THSD7B: variants seen among roughly 807,000 people sequenced by gnomAD.
THSD7B encodes the protein thrombospondin type-1 domain-containing protein 7B.
In THSD7B, 138 loss-of-function variants were observed where a neutral mutation model predicts 213.6. The observed-to-expected ratio is 0.65, with a 90% CI of 0.56 to 0.74. The LOEUF (loss-of-function observed/expected upper bound fraction) is 0.74, where lower values mean the gene tolerates loss of function less well. THSD7B is among the 30% of genes least tolerant of loss of function. THSD7B has a pLI of 0.00. For missense variants in THSD7B, 1,931 were observed against 1,991.5 expected, an observed-to-expected ratio of 0.97 and a Z score of 0.58; for synonymous variants, 742 against 687.0, an observed-to-expected ratio of 1.08 and a Z score of -1.25.
chr2:137,424,794 G>A (rs777200463), intron 14 of THSD7B, among the ~76,000 whole-genome samples: 4 of 151,958 alleles, frequency 2.6e-5, no homozygotes, highest in Non-Finnish European at 2.9e-5. Flanking sequence ...AAAATAGGCC[G>A]GGCACAGTGG....
chr2:136,945,886 C>T (rs908500262), intron 2 of THSD7B, among the ~76,000 whole-genome samples: 5 of 151,658 alleles, frequency 3.3e-5, no homozygotes, highest in Non-Finnish European at 7.4e-5. Flanking sequence ...CTTTTTAGTT[C>T]CTTGTGATGG....
chr2:137,211,177 T>C (rs1474110748), intron 7 of THSD7B, among the ~76,000 whole-genome samples: 4 of 151,950 alleles, frequency 2.6e-5, no homozygotes, highest in Non-Finnish European at 4.4e-5. Flanking sequence ...ATGAGATTTG[T>C]ATAAACAAAT....
chr2:137,506,727 C>T (rs1178911282), intron 15 of THSD7B, among the ~76,000 whole-genome samples: 2 of 152,202 alleles, frequency 1.3e-5, no homozygotes, highest in African/African-American at 4.8e-5. Flanking sequence ...TTAGGATGAC[C>T]TCCTGATGAA....
At chr2:136,933,133 T>TTCCTTCCTTCCA (rs2105050585) in intron 2 of THSD7B, among the ~76,000 whole-genome samples, 1 of 57,564 alleles carries the variant, frequency 1.7e-5, no homozygotes, top group East Asian at 2.3e-4. Context: ...CCTTCCTTCC[T>TTCCTTCCTTCCA]TCCTTCCTTC....
At chr2:137,426,319 A>G (rs1277656419) in intron 14 of THSD7B, among the ~76,000 whole-genome samples, 1 of 150,290 alleles carries the variant, frequency 6.7e-6, no homozygotes, top group Non-Finnish European at 1.5e-5. Flanking sequence ...ACAAAAATAG[A>G]AAAAAAAAAT....
At chr2:137,404,023 C>A (rs893813485) in intron 12 of THSD7B, among the ~76,000 whole-genome samples, 6 of 151,854 alleles carry the variant, frequency 4.0e-5, no homozygotes, top group Non-Finnish European at 7.4e-5. Context: ...CTATAATTAA[C>A]CAGAGTGAAA....
intron 1 of THSD7B, among the ~76,000 whole-genome samples, chr2:136,806,643 G>A (rs1043787614): frequency 6.6e-6 from 1 of 152,168 alleles, no homozygotes; most frequent in Non-Finnish European, 1.5e-5. Flanking sequence ...TTCCCCTGTT[G>A]TAACATCTTA....
chr2:137,455,395 G>T (rs1447418509), intron 15 of THSD7B, among the ~76,000 whole-genome samples: 1 of 152,072 alleles, frequency 6.6e-6, no homozygotes, highest in Non-Finnish European at 1.5e-5. Flanking sequence ...CAATTTTCCT[G>T]GAACATCTTG....
chr2:137,324,989 A>G (rs774603160), intron 12 of THSD7B, among the ~76,000 whole-genome samples: 1 of 152,292 alleles, frequency 6.6e-6, no homozygotes, highest in Non-Finnish European at 1.5e-5. Context: ...CTGGTTGTTC[A>G]GTTTCCATGA....
At chr2:137,137,717 G>A (rs1162958955) in intron 5 of THSD7B, among the ~76,000 whole-genome samples, 2 of 152,046 alleles carry the variant, frequency 1.3e-5, no homozygotes, top group Non-Finnish European at 2.9e-5. Flanking sequence ...TATTCCTATG[G>A]TTAAGTGACA....
chr2:137,522,279 A>G (rs1370269991), intron 15 of THSD7B, among the ~76,000 whole-genome samples: 1 of 152,178 alleles, frequency 6.6e-6, no homozygotes, highest in Admixed American at 6.5e-5. Context: ...TAGAAATGGC[A>G]TCAAGCTGTA....
chr2:137,100,625 G>A (rs733205), intron 4 of THSD7B, among the ~76,000 whole-genome samples: 49,516 of 151,866 alleles, frequency 0.33, 10,264 homozygotes, highest in African/African-American at 0.59. Flanking sequence ...TGCCTGGCTC[G>A]TAGTAAATGC....
chr2:136,897,414 C>T (rs923309913), intron 2 of THSD7B, among the ~76,000 whole-genome samples: 1 of 151,314 alleles, frequency 6.6e-6, no homozygotes, highest in Admixed American at 6.6e-5. Context: ...GTGAGTGTTA[C>T]AGCTCTTAAA....
intron 2 of THSD7B, among the ~76,000 whole-genome samples, chr2:136,903,954 GTGTGTGTGTGTGTGTGTGTTTGTT>G (rs1684107336): frequency 3.5e-5 from 3 of 84,916 alleles, no homozygotes; most frequent in African/African-American, 8.6e-5. Flanking sequence ...GTGTGTGTGT[GTGTGTGTGTGTGTGTGTGTTTGTT>G]TGTTTCTGAG....
intron 20 of THSD7B, among the ~76,000 whole-genome samples, chr2:137,635,706 A>G (rs771283900): frequency 6.6e-6 from 1 of 152,028 alleles, no homozygotes; most frequent in Non-Finnish European, 1.5e-5. Flanking sequence ...CATATTTAAA[A>G]TATTCCGCAA....
At chr2:137,136,411 A>G (rs543690183) in intron 5 of THSD7B, among the ~76,000 whole-genome samples, 1 of 152,284 alleles carries the variant, frequency 6.6e-6, no homozygotes, top group Non-Finnish European at 1.5e-5. Context: ...AGAACAACAG[A>G]ATGGTTTGGC....
At chr2:137,536,990 T>C (rs1332612829) in intron 15 of THSD7B, among the ~76,000 whole-genome samples, 1 of 151,794 alleles carries the variant, frequency 6.6e-6, no homozygotes, top group African/African-American at 2.4e-5. Flanking sequence ...TTCTAGCAAC[T>C]CTTCAGCTAT....
intron 16 of THSD7B, among the ~76,000 whole-genome samples, chr2:137,564,000 C>T (rs964643775): frequency 1.3e-5 from 2 of 152,072 alleles, no homozygotes; most frequent in African/African-American, 4.8e-5. Flanking sequence ...GAAAGAAGAA[C>T]GATGTCCTTA....
At chr2:137,466,708 T>C (rs1371731290) in intron 15 of THSD7B, among the ~76,000 whole-genome samples, 2 of 152,068 alleles carry the variant, frequency 1.3e-5, no homozygotes, top group Non-Finnish European at 2.9e-5. Context: ...TCCTCTTTAT[T>C]AGGATGATTT....
Sources: allele counts gnomAD v4.1 joint callset (sites outside exome capture counted in the v4.1 genomes callset), GRCh38; gene constraint gnomAD v4.1.1; transcripts MANE v1.5; gene names NCBI Gene and HGNC (gene_info 2026-07-23, HGNC 2026-07-21).